RXFP1: variants seen among roughly 807,000 people sequenced by gnomAD.
RXFP1 encodes relaxin receptor 1.
RXFP1 carries 73 observed loss-of-function variants against 89.8 expected under a neutral mutation model. The ratio of observed to expected loss-of-function variants is 0.81; its 90% CI spans 0.67 to 0.99. The LOEUF (loss-of-function observed/expected upper bound fraction) is 0.99. Ranked by LOEUF, RXFP1 falls within the 50% of genes least tolerant of loss-of-function variation. The pLI, the probability that RXFP1 is intolerant of heterozygous loss-of-function variation, is 0.00. For synonymous variants in RXFP1, 277 were observed against 305.5 expected (o/e 0.91, Z 0.97); for missense variants, 793 against 895.5 (o/e 0.89, Z 1.46).
chr4:158,543,129 C>CA (rs1205745825), intron 1 of RXFP1, among the ~76,000 whole-genome samples: 2 of 152,054 alleles, frequency 1.3e-5, no homozygotes, highest in African/African-American at 2.4e-5. Flanking sequence ...CACACACACA[C>CA]CTGCACACAC....
At chr4:158,536,218 T>C (rs995159373) in intron 1 of RXFP1, among the ~76,000 whole-genome samples, 1 of 152,198 alleles carries the variant, frequency 6.6e-6, no homozygotes, top group Admixed American at 6.5e-5. Flanking sequence ...ATTTAAAATA[T>C]TGTGTTTATA....
intron 1 of RXFP1, among the ~76,000 whole-genome samples, chr4:158,532,075 T>A (rs1384968042): frequency 6.6e-6 from 1 of 152,106 alleles, no homozygotes; most frequent in Admixed American, 6.6e-5. Flanking sequence ...TTTTTCAGAA[T>A]TTTCCCCCCC....
chr4:158,632,047 G>T (rs1329171914), intron 11 of RXFP1, among the ~76,000 whole-genome samples: 1 of 152,184 alleles, frequency 6.6e-6, no homozygotes, highest in East Asian at 1.9e-4. Context: ...AGCCGTTTGT[G>T]CCACTGCACT....
chr4:158,572,840 G>A lies in RXFP1; in HGVS notation c.187+5G>A, dbSNP rs758966867. The A allele has an allele frequency of 1.2e-6, 2 of 1,614,084 alleles. No homozygotes were observed. Among genetic ancestry groups the A allele is most frequent in the East Asian group, 4.5e-5 (2 of 44,882 alleles). Reference sequence around the variant, plus strand: ...AGGCCGATGAGGACAACTGTGGTGAGTGAAGCCCCTGCAGTCACGGTGAGA... The same window carrying A: ...AGGCCGATGAGGACAACTGTGGTGAATGAAGCCCCTGCAGTCACGGTGAGA... On this transcript the variant is annotated splice_donor_5th_base_variant and intron_variant, in intron 2 of 17. Coordinates refer to ENST00000307765, the MANE Select transcript of RXFP1 (RefSeq NM_021634.4).
In RXFP1 at chr4:158,521,943, C is replaced by T; in HGVS notation, c.-34C>T. The stretch of plus-strand genomic sequence containing the variant: ...TCAGAAACCAAGACCAAATTTTGCT[C>T]ACTTTCATTAATCAGTTGCTCAGAT... On this transcript the variant is annotated 5_prime_UTR_variant, in exon 1 of 18. Transcript: ENST00000307765. 1.9e-6 allele frequency: 3 copies of T among 1,576,086 alleles called. No individual in the cohort carries two copies. The highest frequency in any genetic ancestry group is 2.6e-6 in the Non-Finnish European group (3 of 1,150,068).
At chr4:158,637,364 T>C (rs572131817) in intron 12 of RXFP1, among the ~76,000 whole-genome samples, 1 of 152,314 alleles carries the variant, frequency 6.6e-6, no homozygotes, top group East Asian at 1.9e-4. Context: ...CCATCACCAG[T>C]ATGCAAGGGG....
chr4:158,644,825 G>A (rs974981431), intron 14 of RXFP1, 84 bp from the exon 15 acceptor site: 15 of 918,896 alleles, frequency 1.6e-5, no homozygotes, highest in South Asian at 1.6e-5. Context: ...TCTTTCTACC[G>A]ATAAAATGTA....
intron 9 of RXFP1, 42 bp from the exon 10 acceptor site, chr4:158,626,778 A>G: frequency 8.4e-7 from 1 of 1,196,044 alleles, no homozygotes; most frequent in Non-Finnish European, 1.2e-6. Flanking sequence ...ATTTCTCTCC[A>G]TGATTAAGAT....
chr4:158,628,734 A>T (rs150247294), intron 11 of RXFP1, 25 bp downstream of exon 11: 1 of 1,315,842 alleles, frequency 7.6e-7, no homozygotes, highest in African/African-American at 1.5e-5. Context: ...ACATATACTG[A>T]TAAGAATTTT....
chr4:158,611,836 G>A (rs1472669270), intron 6 of RXFP1, among the ~76,000 whole-genome samples: 1 of 152,168 alleles, frequency 6.6e-6, no homozygotes, highest in East Asian at 1.9e-4. Context: ...CAGACTCAAA[G>A]CCCCTTAAAG....
intron 2 of RXFP1, among the ~76,000 whole-genome samples, chr4:158,580,407 G>GA (rs1426256599): frequency 6.6e-6 from 1 of 152,106 alleles, no homozygotes; most frequent in Non-Finnish European, 1.5e-5. Context: ...ATAATATACA[G>GA]AAAAAATGTT....
At chr4:158,612,654 A>T in intron 8 of RXFP1, among the ~76,000 whole-genome samples, 1 of 146,088 alleles carries the variant, frequency 6.8e-6, no homozygotes, top group Non-Finnish European at 1.5e-5. Context: ...TGTATCGCCC[A>T]GGCTGGAGTG....
At chr4:158,543,340 G>A (rs1747328221) in intron 1 of RXFP1, among the ~76,000 whole-genome samples, 1 of 152,188 alleles carries the variant, frequency 6.6e-6, no homozygotes, top group Admixed American at 6.5e-5. Flanking sequence ...GAAGAGTGAT[G>A]TAAAGCTGGA....
intron 1 of RXFP1, among the ~76,000 whole-genome samples, chr4:158,545,629 G>T (rs888052111): frequency 6.6e-6 from 1 of 152,016 alleles, no homozygotes; most frequent in Admixed American, 6.6e-5. Context: ...TTTTTGTATA[G>T]GGTGTAAGGA....
chr4:158,576,203 C>A (rs1756164420), intron 2 of RXFP1, among the ~76,000 whole-genome samples: 1 of 152,152 alleles, frequency 6.6e-6, no homozygotes, highest in South Asian at 2.1e-4. Flanking sequence ...TTCACCTAGA[C>A]CACTGGATCT....
chr4:158,627,676 A>G (rs556586221), intron 10 of RXFP1, among the ~76,000 whole-genome samples: 3 of 152,218 alleles, frequency 2.0e-5, no homozygotes, highest in Admixed American at 6.5e-5. Context: ...TGATATTACC[A>G]TATGTTTTCT....
chr4:158,619,805 C>T (rs1222388181), intron 9 of RXFP1, among the ~76,000 whole-genome samples: 1 of 151,952 alleles, frequency 6.6e-6, no homozygotes, highest in Non-Finnish European at 1.5e-5. Flanking sequence ...CTAGAGCATT[C>T]TGCCCCAGGG....
chr4:158,647,754 A>G (rs1771845281), intron 16 of RXFP1, among the ~76,000 whole-genome samples: 1 of 152,038 alleles, frequency 6.6e-6, no homozygotes, highest in African/African-American at 2.4e-5. Context: ...ACGGTGGCTC[A>G]TACCTGTAAT....
chr4:158,534,350 T>C (rs1744779367), intron 1 of RXFP1, among the ~76,000 whole-genome samples: 1 of 151,858 alleles, frequency 6.6e-6, no homozygotes, highest in Non-Finnish European at 1.5e-5. Context: ...TGGGTTCAAA[T>C]GATTCTGCTG....
Sources: gnomAD v4.1 joint callset for allele counts (sites outside exome capture counted in the v4.1 genomes callset) on GRCh38, gnomAD v4.1.1 for gene constraint, MANE v1.5 for transcripts, NCBI Gene and HGNC (gene_info 2026-07-23, HGNC 2026-07-21) for gene names.